Variants in AGBL4 observed in about 807,000 individuals in gnomAD.
The protein encoded by AGBL4 is AGBL carboxypeptidase 4.
In AGBL4, 58 loss-of-function variants were observed where a neutral mutation model predicts 66.4. That is an observed-to-expected ratio of 0.87 (90% confidence interval 0.71 to 1.09). The LOEUF is 1.09. Among genes scored for constraint, AGBL4 ranks in the 50% least tolerant of loss-of-function variants. The probability of loss-of-function intolerance (pLI) is 0.00; values close to 1 mark genes in which losing one functional copy is unlikely to be tolerated. For missense variants in AGBL4, 579 were observed against 631.0 expected, an observed-to-expected ratio of 0.92 and a Z score of 0.88; for synonymous variants, 234 against 222.9, an observed-to-expected ratio of 1.05 and a Z score of -0.44.
At chr1:49,149,128 A>G (rs1176102270) in intron 4 of AGBL4, among the ~76,000 whole-genome samples, 1 of 152,230 alleles carries the variant, frequency 6.6e-6, no homozygotes, top group South Asian at 2.1e-4. Flanking sequence ...AACTGAAGAT[A>G]GCATGGGTGG....
intron 2 of AGBL4, among the ~76,000 whole-genome samples, chr1:49,790,513 C>T (rs1363858580): frequency 6.6e-6 from 1 of 152,020 alleles, no homozygotes; most frequent in East Asian, 1.9e-4. Context: ...AACAGATATA[C>T]TGCCTGCAAA....
downstream of AGBL4, among the ~76,000 whole-genome samples, chr1:48,531,179 C>CA (rs1383131396): frequency 2.0e-5 from 3 of 151,800 alleles, no homozygotes; most frequent in African/African-American, 7.3e-5. Flanking sequence ...CACCCTCCTA[C>CA]AGGCTGCCTT....
chr1:48,862,336 A>T (rs774967305), intron 6 of AGBL4, among the ~76,000 whole-genome samples: 6 of 152,064 alleles, frequency 3.9e-5, no homozygotes, highest in Admixed American at 6.5e-5. Flanking sequence ...CACTTTAAAA[A>T]ATTTTTTATA....
intron 2 of AGBL4, among the ~76,000 whole-genome samples, chr1:49,834,477 T>C (rs989354660): frequency 2.0e-5 from 3 of 152,230 alleles, no homozygotes; most frequent in Non-Finnish European, 4.4e-5. Flanking sequence ...CTTGCTTTTC[T>C]TCTTTATTAG....
intron 3 of AGBL4, chr1:49,691,491 G>T: frequency 6.5e-6 from 1 of 154,744 alleles, no homozygotes. Flanking sequence ...ATGGTGCTCT[G>T]CATTCTCATG....
intron 3 of AGBL4, among the ~76,000 whole-genome samples, chr1:49,284,133 C>G (rs542976221): frequency 6.6e-6 from 1 of 152,090 alleles, no homozygotes; most frequent in African/African-American, 2.4e-5. Flanking sequence ...GGTCGGGTTA[C>G]CCTCAAAGGG....
chr1:49,262,159 T>C (rs1447127156), intron 3 of AGBL4, among the ~76,000 whole-genome samples: 1 of 152,010 alleles, frequency 6.6e-6, no homozygotes, highest in Admixed American at 6.6e-5. Flanking sequence ...AAAAATCAAT[T>C]CAAGATGGAT....
At chr1:49,966,852 C>A (rs1557625701) in intron 1 of AGBL4, among the ~76,000 whole-genome samples, 1 of 152,180 alleles carries the variant, frequency 6.6e-6, no homozygotes, top group East Asian at 1.9e-4. Flanking sequence ...TGAGTATAAA[C>A]AACTTTACGA....
intron 3 of AGBL4, among the ~76,000 whole-genome samples, chr1:49,616,970 T>C (rs1407241914): frequency 6.6e-6 from 1 of 152,184 alleles, no homozygotes. Context: ...ACTCTGTTTC[T>C]ATTTATTCTT....
At chr1:49,059,067 C>G (rs2147906031) in intron 4 of AGBL4, among the ~76,000 whole-genome samples, 1 of 152,330 alleles carries the variant, frequency 6.6e-6, no homozygotes, top group Admixed American at 6.5e-5. Flanking sequence ...GCATAAGTAA[C>G]AAGGAGCCAA....
chr1:48,865,543 C>G (rs530191834), intron 6 of AGBL4, among the ~76,000 whole-genome samples: 1 of 152,020 alleles, frequency 6.6e-6, no homozygotes, highest in East Asian at 1.9e-4. Flanking sequence ...CTCAAAACTC[C>G]GGCAGTGCTG....
At chr1:48,536,186 A>G (rs1643968093) in intron 12 of AGBL4, among the ~76,000 whole-genome samples, 1 of 152,134 alleles carries the variant, frequency 6.6e-6, no homozygotes, top group African/African-American at 2.4e-5. Flanking sequence ...CTCACCATCT[A>G]CAAGCAGAAA....
chr1:48,989,082 C>T (rs1304975148), intron 5 of AGBL4, among the ~76,000 whole-genome samples: 3 of 152,192 alleles, frequency 2.0e-5, no homozygotes, highest in Admixed American at 6.5e-5. Context: ...AGGCTGACTT[C>T]GTCAGGGCCC....
intron 5 of AGBL4, among the ~76,000 whole-genome samples, chr1:49,006,464 T>C (rs1011198895): frequency 1.3e-5 from 2 of 152,176 alleles, no homozygotes; most frequent in African/African-American, 4.8e-5. Context: ...GCGCCCGCCA[T>C]TGCCCAGGCT....
At chr1:48,927,482 G>C (rs559705363) in intron 5 of AGBL4, among the ~76,000 whole-genome samples, 77 of 152,258 alleles carry the variant, frequency 5.1e-4, no homozygotes, top group Non-Finnish European at 6.2e-4. Context: ...GCTACAATTC[G>C]AGATTTGGGT....
chr1:49,270,559 T>C (rs1644035098), intron 3 of AGBL4, among the ~76,000 whole-genome samples: 1 of 152,164 alleles, frequency 6.6e-6, no homozygotes, highest in Non-Finnish European at 1.5e-5. Context: ...CACAAATTCA[T>C]GGGTTACATA....
chr1:49,152,921 C>T (rs1026008856), intron 4 of AGBL4, among the ~76,000 whole-genome samples: 6 of 152,098 alleles, frequency 3.9e-5, no homozygotes, highest in East Asian at 3.9e-4. Context: ...TTTTATCTTC[C>T]GAGATCATAC....
intron 3 of AGBL4, among the ~76,000 whole-genome samples, chr1:49,461,631 AC>A (rs1646515319): frequency 1.8e-5 from 1 of 54,098 alleles, no homozygotes; most frequent in Non-Finnish European, 3.6e-5. Flanking sequence ...CCCCCACCCT[AC>A]CAACAGGCCC....
intron 4 of AGBL4, among the ~76,000 whole-genome samples, chr1:49,234,799 G>T (rs2148304577): frequency 6.6e-6 from 1 of 152,236 alleles, no homozygotes; most frequent in South Asian, 2.1e-4. Flanking sequence ...AAACTAGAAA[G>T]GTTGATCACC....
Sources: allele counts gnomAD v4.1 joint callset (sites outside exome capture counted in the v4.1 genomes callset), GRCh38; gene constraint gnomAD v4.1.1; transcripts MANE v1.5; gene names NCBI Gene and HGNC (gene_info 2026-07-23, HGNC 2026-07-21).